Variants in SLC7A5 observed in about 807,000 individuals in gnomAD.
SLC7A5 encodes the protein solute carrier family 7 member 5.
A neutral mutation model predicts 50.2 loss-of-function variants in SLC7A5; 23 were observed. That is an observed-to-expected ratio of 0.46 (90% CI 0.33 to 0.65). The LOEUF (loss-of-function observed/expected upper bound fraction) is 0.65, where lower values mean the gene tolerates loss of function less well. Among genes scored for constraint, SLC7A5 ranks in the 30% least tolerant of loss-of-function variants. The pLI is 0.02. For synonymous variants in SLC7A5, 393 were observed against 330.6 expected (o/e 1.19, Z -2.05); for missense variants, 578 against 684.4 (o/e 0.84, Z 1.73).
rs2055399845 is a variant in SLC7A5 at position 87,861,656 on chromosome 16, C to G, written c.538+7229G>C. Among the ~76,000 whole-genome samples the G allele has an allele frequency of 6.6e-6, 1 of 152,230 alleles. No homozygotes were observed. The highest frequency in any genetic ancestry group is 2.4e-5 in the African/African-American group (1 of 41,456). On this transcript the variant is annotated intron_variant, in intron 1 of 9. Transcript: ENST00000261622. This position sits in a 1 kb window ranked among gnomAD's most constrained non-coding sequence, Gnocchi z 4.2. Reference sequence around the variant, plus strand: ...TCCTGGGGGTGGCTCTCAACCTGGCCTGGGCCCCCGGGGGTCTGCGCAACC... The same window carrying G: ...TCCTGGGGGTGGCTCTCAACCTGGCGTGGGCCCCCGGGGGTCTGCGCAACC...
In SLC7A5 at chr16:87,833,032, G is replaced by C; in HGVS notation, c.1469-7C>G. On this transcript the variant is annotated splice_region_variant and splice_polypyrimidine_tract_variant and intron_variant, in intron 9 of 9. Transcript: ENST00000261622. The surrounding 1 kb of genome is among the most constrained non-coding windows in gnomAD (Gnocchi z 6.0). ...CACAGGACGGTCGTGGAGACTGTCA[G>C]GAGAGAAGACAGCTGTGTTAGCCTG... 1.2e-6 allele frequency: 2 copies of C among 1,613,584 alleles called. No individual in the cohort carries two copies. The highest frequency in any genetic ancestry group is 2.2e-5 in the South Asian group (2 of 91,076).
At chr16:87,845,385 C>T (rs1260961005) in intron 2 of SLC7A5, among the ~76,000 whole-genome samples, 1 of 151,610 alleles carries the variant, frequency 6.6e-6, no homozygotes, top group Non-Finnish European at 1.5e-5. Context: ...CACATGGGTT[C>T]AGTCCAGAGC....
chr16:87,839,643 G>C (rs2055058045), intron 5 of SLC7A5, 59 bp downstream of exon 5: 2 of 1,609,366 alleles, frequency 1.2e-6, no homozygotes, highest in Non-Finnish European at 1.7e-6. Context: ...CGGTCTGGAA[G>C]GGACGGGCTG....
At position 87,853,094 on chromosome 16, in the gene SLC7A5, C is replaced by A. The variant is rs556531115; in HGVS notation, c.539-1245G>T. Reference sequence around the variant, plus strand: ...AGGAAGGTGAGAGCATCAGAAAGGCCGTGGGCTCCTCTTCTCTCTTTCCCC... The same window carrying A: ...AGGAAGGTGAGAGCATCAGAAAGGCAGTGGGCTCCTCTTCTCTCTTTCCCC... On this transcript the variant is annotated intron_variant, in intron 1 of 9. Transcript: ENST00000261622. The surrounding 1 kb of genome is among the most constrained non-coding windows in gnomAD (Gnocchi z 4.4). 1.3e-5 allele frequency among the ~76,000 whole-genome samples: 2 copies of A among 151,824 alleles called. No homozygotes were observed. Among genetic ancestry groups the A allele is most frequent in the African/African-American group, 4.9e-5 (2 of 41,070 alleles).
At chr16:87,834,991 C>G (rs76963012) in intron 8 of SLC7A5, among the ~76,000 whole-genome samples, 1 of 152,270 alleles carries the variant, frequency 6.6e-6, no homozygotes, top group Admixed American at 6.5e-5. Context: ...CTCTTGGAGA[C>G]GCCGCTGTGG....
At chr16:87,866,112 C>T (rs1482502193) in intron 1 of SLC7A5, among the ~76,000 whole-genome samples, 2 of 151,502 alleles carry the variant, frequency 1.3e-5, no homozygotes, top group Non-Finnish European at 2.9e-5. Context: ...GGCGGGGGTG[C>T]GGTGAGCACA....
At position 87,861,397 on chromosome 16, in the gene SLC7A5, C is replaced by G. The variant is rs1284649768; in HGVS notation, c.538+7488G>C. ...ACCTCCCCAGACCCCTGGCACCCACCAGACTCCCCAGGCGTGGCTTTGTGC... is the reference window on the plus strand; with the variant it reads ...ACCTCCCCAGACCCCTGGCACCCACGAGACTCCCCAGGCGTGGCTTTGTGC... On this transcript the variant is annotated intron_variant, in intron 1 of 9. Coordinates refer to ENST00000261622, the MANE Select transcript of SLC7A5 (RefSeq NM_003486.7). The surrounding 1 kb of genome is among the most constrained non-coding windows in gnomAD (Gnocchi z 4.2). Among the ~76,000 whole-genome samples, 1 of 152,176 alleles carries G rather than the reference C, an allele frequency of 6.6e-6. No homozygotes were observed. Among genetic ancestry groups the G allele is most frequent in the Non-Finnish European group, 1.5e-5 (1 of 68,012 alleles).
chr16:87,836,829 A>T, intron 7 of SLC7A5, 182 bp from the exon 8 acceptor site: 3 of 405,382 alleles, frequency 7.4e-6, no homozygotes, highest in Admixed American at 2.8e-5. Context: ...GGAGGGAAGG[A>T]GGGAGGAGAG....
rs1223411423 is a variant in SLC7A5 at position 87,862,558 on chromosome 16, C to T, written c.538+6327G>A. Reference sequence around the variant, plus strand: ...CCTGGCTCCTGTCTCTGGCTCTTCCCTCCCTCTCTTTGTTCCCTTGCTCCT... The same window carrying T: ...CCTGGCTCCTGTCTCTGGCTCTTCCTTCCCTCTCTTTGTTCCCTTGCTCCT... On this transcript the variant is annotated intron_variant, in intron 1 of 9. Coordinates refer to ENST00000261622, the MANE Select transcript of SLC7A5 (RefSeq NM_003486.7). The surrounding 1 kb of genome is among the most constrained non-coding windows in gnomAD (Gnocchi z 5.3). Among the ~76,000 whole-genome samples, 1 of 152,262 alleles carries T rather than the reference C, an allele frequency of 6.6e-6. No homozygotes were observed. Among genetic ancestry groups the T allele is most frequent in the African/African-American group, 2.4e-5 (1 of 41,472 alleles).
Position 87,851,812 on chromosome 16 carries a change from G to A in SLC7A5, c.576C>T (p.Ala192=), listed in dbSNP as rs377307950. ...LTAVNCYSVK[A]ATRVQDAFAA... is the part of the protein sequence containing the mutation. ...CAAAGGCATCCTGGACCCGGGTGGC[G>A]GCCTTCACGCTGTAGCAGTTCACGG... Residue 192 remains alanine (A), a synonymous_variant, in exon 2 of 10, where the codon GCC becomes GCT. Transcript: ENST00000261622. The A allele has an allele frequency of 1.2e-4, 187 of 1,612,950 alleles. No individual in the cohort carries two copies. The highest frequency in any genetic ancestry group is 3.3e-4 in the Middle Eastern group (2 of 6,080).
chr16:87,830,794 C>A lies in SLC7A5; in HGVS notation c.*2176G>T. ...CGCTGGCAGCCCCCATGCTCGCCCA[C>A]AGCCGCAGCAGCCAACAGGCAAGTG... On this transcript the variant is annotated 3_prime_UTR_variant, in exon 10 of 10. Coordinates refer to ENST00000261622, the MANE Select transcript of SLC7A5 (RefSeq NM_003486.7). 6.5e-6 allele frequency: 1 copy of A among 152,720 alleles called. No individual in the cohort carries two copies. Among genetic ancestry groups the A allele is most frequent in the Non-Finnish European group, 1.5e-5 (1 of 68,300 alleles). The allele number at this position is 152,720 out of a possible 1,614,324, so 9.5% of individuals were successfully genotyped here. A position where few individuals can be genotyped will look rare whatever the true frequency, so the allele number is the denominator to read the frequency against.
At chr16:87,850,971 G>T (rs1398738958) in intron 2 of SLC7A5, among the ~76,000 whole-genome samples, 1 of 152,174 alleles carries the variant, frequency 6.6e-6, no homozygotes, top group African/African-American at 2.4e-5. Flanking sequence ...AGGGGCGGGG[G>T]CTGTTTCACA....
Position 87,869,467 on chromosome 16 carries a change from C to A in SLC7A5, c.-45G>T, listed in dbSNP as rs1186289321. ...CCTGGGACACCCGGGAGCCGCGGCC[C>A]AGCGAGCAGTGTGCGCGCCGCCCGC... On this transcript the variant is annotated 5_prime_UTR_variant, in exon 1 of 10. Transcript: ENST00000261622. 8.0e-7 allele frequency: 1 copy of A among 1,254,014 alleles called. No individual in the cohort carries two copies. Among genetic ancestry groups the A allele is most frequent in the Non-Finnish European group, 1.0e-6 (1 of 1,002,820 alleles). The allele number at this position is 1,254,014 out of a possible 1,614,324, so 77.7% of individuals were successfully genotyped here.
At chr16:87,837,710 G>A (rs1435458571) in intron 7 of SLC7A5, 135 bp downstream of exon 7, 3 of 686,054 alleles carry the variant, frequency 4.4e-6, no homozygotes, top group East Asian at 2.7e-5. Context: ...ATTCAGCGGA[G>A]CTCGGCAGGA....
chr16:87,859,086 G>T (rs2055356262), intron 1 of SLC7A5, among the ~76,000 whole-genome samples: 1 of 152,194 alleles, frequency 6.6e-6, no homozygotes, highest in Non-Finnish European at 1.5e-5. Context: ...TTCCTGGCTG[G>T]CCCCTCCCCT....
At chr16:87,857,154 G>C (rs1334860883) in intron 1 of SLC7A5, among the ~76,000 whole-genome samples, 1 of 152,202 alleles carries the variant, frequency 6.6e-6, no homozygotes, top group Non-Finnish European at 1.5e-5. Context: ...CAGAGAGAGA[G>C]GTCAAAGTGG....
At chr16:87,838,617 G>T (rs2055042483) in intron 6 of SLC7A5, 97 bp downstream of exon 6, 1 of 951,472 alleles carries the variant, frequency 1.1e-6, no homozygotes, top group African/African-American at 1.6e-5. Flanking sequence ...TGCATCCCCA[G>T]TATCACAGAG....
chr16:87,833,534 G>A lies in SLC7A5; in HGVS notation c.1469-509C>T, dbSNP rs117688351. 0.016 allele frequency among the ~76,000 whole-genome samples: 2,394 copies of A among 152,332 alleles called. 44 individuals are homozygous for A. The highest frequency in any genetic ancestry group is 0.022 in the Non-Finnish European group (1,463 of 68,026). On this transcript the variant is annotated intron_variant, in intron 9 of 9. Transcript: ENST00000261622. This position sits in a 1 kb window ranked among gnomAD's most constrained non-coding sequence, Gnocchi z 6.0. ...GCTTTCAGGATAGAGACGGGGGTTT[G>A]CTTTAAGCTCTTGGTGTCCTGAATG...
intron 2 of SLC7A5, among the ~76,000 whole-genome samples, chr16:87,845,171 G>A (rs762561980): frequency 4.4e-5 from 6 of 137,616 alleles, no homozygotes; most frequent in Admixed American, 7.0e-5. Flanking sequence ...GGGGCCAACC[G>A]TGCCACCCAG....
Sources: allele counts gnomAD v4.1 joint callset (sites outside exome capture counted in the v4.1 genomes callset), GRCh38; gene constraint gnomAD v4.1.1; non-coding constraint Gnocchi (gnomAD v3.1); transcripts MANE v1.5; gene names NCBI Gene and HGNC (gene_info 2026-07-23, HGNC 2026-07-21).